The following KDM4A variants were observed in gnomAD, a reference collection of about 807,000 sequenced individuals.
The protein encoded by KDM4A is lysine demethylase 4A.
KDM4A carries 23 observed loss-of-function variants against 127.1 expected under a neutral mutation model. The ratio of observed to expected loss-of-function variants is 0.18; its 90% CI spans 0.13 to 0.26. The LOEUF is 0.26. Among genes scored for constraint, KDM4A ranks in the 10% least tolerant of loss-of-function variants. KDM4A has a pLI of 1.00. For synonymous variants in KDM4A, 443 were observed against 466.5 expected (o/e 0.95, Z 0.65); for missense variants, 890 against 1,329.1 (o/e 0.67, Z 5.14).
chr1:43,669,649 AT>A (rs35764940), intron 10 of KDM4A, among the ~76,000 whole-genome samples: 545 of 140,962 alleles, frequency 3.9e-3, no homozygotes, highest in Middle Eastern at 0.011. Flanking sequence ...GGAGATGGGA[AT>A]TTTTTTTTTT....
At chr1:43,687,186 G>C (rs1270128310) in intron 12 of KDM4A, among the ~76,000 whole-genome samples, 1 of 152,206 alleles carries the variant, frequency 6.6e-6, no homozygotes, top group African/African-American at 2.4e-5. Context: ...TTAATTGTCT[G>C]CGTTGGTGTC....
rs748424864 is a variant in KDM4A, at chr1:43,694,140, C to A, written c.2484+38C>A. The stretch of plus-strand genomic sequence containing the variant: ...AGACTCTACATAATTTCCCGACTTA[C>A]AAGTTTCTGGGTAGAAGAGAACAGG... On this transcript the variant is annotated intron_variant, in intron 17 of 21. Coordinates refer to ENST00000372396, the MANE Select transcript of KDM4A (RefSeq NM_014663.3). The surrounding 1 kb of genome is among the most constrained non-coding windows in gnomAD (Gnocchi z 5.2). 2.5e-5 allele frequency: 38 copies of A among 1,537,734 alleles called. No individual in the cohort carries two copies. The highest frequency in any genetic ancestry group is 3.3e-5 in the Non-Finnish European group (37 of 1,115,176).
At chr1:43,677,906 GT>G (rs1038161068) in intron 11 of KDM4A, among the ~76,000 whole-genome samples, 2 of 152,204 alleles carry the variant, frequency 1.3e-5, no homozygotes, top group Non-Finnish European at 2.9e-5. Context: ...TTAGGAACCT[GT>G]TTCTTTAGTC....
intron 19 of KDM4A, among the ~76,000 whole-genome samples, chr1:43,702,909 T>C (rs915676092): frequency 1.3e-5 from 2 of 151,912 alleles, no homozygotes; most frequent in Admixed American, 6.5e-5. Context: ...CACGTGCCTG[T>C]TGTCCCAGCT....
rs1224744299 is a variant in KDM4A at position 43,666,454 on chromosome 1, T to A, written c.676T>A (p.Phe226Ile). The change falls in exon 7 of 22, where the codon TTT becomes ATT. Residue 226 changes from phenylalanine to isoleucine, a missense_variant and splice_region_variant. By Grantham distance (21) the Phe-to-Ile change is conservative. This residue lies in a region of KDM4A where 141 missense variants were observed against 273.5 expected (regional missense o/e 0.52). Coordinates refer to ENST00000372396, the MANE Select transcript of KDM4A (RefSeq NM_014663.3). The part of the protein sequence containing the change: ...GKRLERLAKG[F>I]FPGSAQSCEA... The stretch of plus-strand genomic sequence containing the variant: ...CCTGTACCCTTTCAATTAAATAGGC[T>A]TTTTCCCAGGAAGTGCTCAAAGCTG... The A allele has an allele frequency of 6.2e-7, 1 of 1,613,760 alleles. No homozygotes were observed. The highest frequency in any genetic ancestry group is 8.5e-7 in the Non-Finnish European group (1 of 1,179,672).
chr1:43,689,883 C>T (rs1293816829), intron 13 of KDM4A, among the ~76,000 whole-genome samples: 1 of 152,230 alleles, frequency 6.6e-6, no homozygotes, highest in East Asian at 1.9e-4. Context: ...TAGGAACTCA[C>T]TAAACCTTTC....
At chr1:43,662,808 T>C in intron 4 of KDM4A, 86 bp from the exon 5 acceptor site, 1 of 1,138,348 alleles carries the variant, frequency 8.8e-7, no homozygotes, top group Non-Finnish European at 1.3e-6. Context: ...GATGACAGCT[T>C]ACTTGTGACC....
At chr1:43,666,616 G>A in intron 7 of KDM4A, 61 bp downstream of exon 7, 1 of 1,344,114 alleles carries the variant, frequency 7.4e-7, no homozygotes. Flanking sequence ...TTGTTTTACA[G>A]TTTTATTCTA....
Position 43,667,074 on chromosome 1 carries a change from G to A in KDM4A, c.898G>A (p.Gly300Ser). ...NFATRRWIEY[G>S]KQAVLCSCRK... is the part of the protein sequence containing the mutation. The stretch of plus-strand genomic sequence containing the variant: ...TGCTACCCGTCGGTGGATTGAGTAC[G>A]GCAAGCAAGCTGTGCTGGTAAGTCT... The change falls in exon 8 of 22, where the codon GGC (glycine) becomes AGC (serine). Residue 300 changes from glycine (G) to serine (S), a missense_variant. By Grantham distance (56) the Gly-to-Ser change is moderately conservative. Around this residue, in one of 7 missense-constraint regions of KDM4A, gnomAD observed 141 missense variants for 273.5 expected, o/e 0.52. Transcript: ENST00000372396. 4 of 1,614,078 alleles carry A rather than the reference G, an allele frequency of 2.5e-6. No homozygotes were observed. The highest frequency in any genetic ancestry group is 1.7e-5 in the Admixed American group (1 of 60,006).
At chr1:43,663,673 G>T (rs1198850468) in intron 5 of KDM4A, among the ~76,000 whole-genome samples, 1 of 151,872 alleles carries the variant, frequency 6.6e-6, no homozygotes, top group African/African-American at 2.4e-5. Flanking sequence ...ACCCAGGCTG[G>T]AGTGCAGTGG....
Position 43,688,841 on chromosome 1 carries a change from C to T in KDM4A, c.1856-73C>T. ...CCTAGGATCAGGAGTCCTAGTGGAA[C>T]TCATCTGTTCTCCAGGCAGAGCCAC... On this transcript the variant is annotated intron_variant, in intron 12 of 21. Coordinates refer to ENST00000372396, the MANE Select transcript of KDM4A (RefSeq NM_014663.3). The surrounding 1 kb of genome is among the most constrained non-coding windows in gnomAD (Gnocchi z 4.4). The T allele has an allele frequency of 7.3e-7, 1 of 1,376,226 alleles. No individual in the cohort carries two copies. Among genetic ancestry groups the T allele is most frequent in the Non-Finnish European group, 1.0e-6 (1 of 988,094 alleles). 85.3% of individuals were successfully genotyped at this position (1,376,226 alleles called of 1,614,324 possible). A position where few individuals can be genotyped will look rare whatever the true frequency, so the allele number is the denominator to read the frequency against.
chr1:43,678,671 T>A (rs1247087877), intron 11 of KDM4A, among the ~76,000 whole-genome samples: 1 of 149,486 alleles, frequency 6.7e-6, no homozygotes, highest in African/African-American at 2.5e-5. Flanking sequence ...CACCACAGCC[T>A]CGACCTCCCA....
intron 15 of KDM4A, among the ~76,000 whole-genome samples, chr1:43,691,897 T>C (rs185488574): frequency 6.6e-6 from 1 of 152,318 alleles, no homozygotes; most frequent in African/African-American, 2.4e-5. Context: ...TTGTGCTGTT[T>C]TCTCTTCACT....
intron 2 of KDM4A, among the ~76,000 whole-genome samples, chr1:43,654,415 A>G (rs924765758): frequency 5.3e-5 from 8 of 151,358 alleles, no homozygotes; most frequent in African/African-American, 1.9e-4. Flanking sequence ...AGAGAATGGC[A>G]TCATGCCATA....
In KDM4A at chr1:43,655,489, G is replaced by T. The variant is rs559836941; in HGVS notation, c.139-102G>T. On this transcript the variant is annotated intron_variant, in intron 2 of 21. Coordinates refer to ENST00000372396, the MANE Select transcript of KDM4A (RefSeq NM_014663.3). ...GTGGGTAAATCAAAGTAACTGTCTAGTAAAATTGACTGTTAGGTTGGCTGG... is the reference window on the plus strand; with the variant it reads ...GTGGGTAAATCAAAGTAACTGTCTATTAAAATTGACTGTTAGGTTGGCTGG... 8.0e-6 allele frequency: 8 copies of T among 1,003,580 alleles called. No homozygotes were observed. The South Asian group carries it at 9.9e-5, about 12-fold the overall frequency. 62.2% of individuals were successfully genotyped at this position (1,003,580 alleles called of 1,614,324 possible).
intron 9 of KDM4A, 57 bp downstream of exon 9, chr1:43,668,076 C>T: frequency 6.3e-7 from 1 of 1,595,304 alleles, no homozygotes; most frequent in Admixed American, 1.7e-5. Context: ...TGGGTAGGTC[C>T]TGTAATCTGT....
At chr1:43,659,104 C>G (rs891135154) in intron 3 of KDM4A, among the ~76,000 whole-genome samples, 2 of 151,940 alleles carry the variant, frequency 1.3e-5, no homozygotes, top group South Asian at 4.1e-4. Context: ...TGAGACCAAC[C>G]TGGGCAACAT....
chr1:43,699,556 C>A (rs1451064110), intron 19 of KDM4A, among the ~76,000 whole-genome samples: 2 of 151,974 alleles, frequency 1.3e-5, no homozygotes, highest in African/African-American at 4.8e-5. Context: ...AGTTAGAGAC[C>A]CCAAAGAGCC....
At chr1:43,650,527 G>C (rs766291910) in intron 1 of KDM4A, 1 of 152,372 alleles carries the variant, frequency 6.6e-6, no homozygotes, top group Non-Finnish European at 1.5e-5. Context: ...CGGCGGGGCC[G>C]GGAGGGGCCG....
Sources: allele counts gnomAD v4.1 joint callset (sites outside exome capture counted in the v4.1 genomes callset), GRCh38; gene constraint gnomAD v4.1.1; regional missense constraint gnomAD v4.1.1; non-coding constraint Gnocchi (gnomAD v3.1); transcripts MANE v1.5; gene names NCBI Gene and HGNC (gene_info 2026-07-23, HGNC 2026-07-21).